The following LAYN variants were observed in gnomAD, a reference collection of about 807,000 sequenced individuals.
The protein encoded by LAYN is layilin.
In LAYN, 38 loss-of-function variants were observed where a neutral mutation model predicts 43.6. The observed-to-expected ratio is 0.87, with a 90% confidence interval of 0.67 to 1.14. The LOEUF (loss-of-function observed/expected upper bound fraction) is 1.14. Ranked by LOEUF, LAYN falls within the 50% of genes most tolerant of loss-of-function variation. The pLI, the probability that LAYN is intolerant of heterozygous loss-of-function variation, is 0.00. For missense variants in LAYN, 479 were observed against 463.8 expected, an observed-to-expected ratio of 1.03 and a Z score of -0.30; for synonymous variants, 168 against 172.9, an observed-to-expected ratio of 0.97 and a Z score of 0.22.
At chr11:111,558,638 A>G (rs372785613) in intron 6 of LAYN, among the ~76,000 whole-genome samples, 67 of 152,168 alleles carry the variant, frequency 4.4e-4, no homozygotes, top group African/African-American at 1.6e-3. Context: ...GTACTTTAAC[A>G]GGATTTGGGA....
Position 111,544,173 on chromosome 11 carries a change from C to T in LAYN, c.336C>T (p.Ala112=), listed in dbSNP as rs1450481137. Residue 112 remains alanine (A), a synonymous_variant, in exon 2 of 7, where the codon GCC becomes GCT. Transcript: ENST00000375614. ...RREEKQSNST[A]CQDLYAWTDG... is the part of the protein sequence containing the mutation. ...AGGAGAAACAAAGCAATAGCACAGC[C>T]TGCCAGGACCTTTATGCTTGGACTG... is the stretch of plus-strand genomic sequence containing the variant. 4 of 1,614,068 alleles carry T rather than the reference C, an allele frequency of 2.5e-6. No individual in the cohort carries two copies. The South Asian group carries it at 4.4e-5, about 18-fold the overall frequency.
In LAYN at chr11:111,549,725, A is replaced by G; in HGVS notation, c.491A>G (p.Asn164Ser). 1.2e-6 allele frequency: 2 copies of G among 1,607,804 alleles called. No homozygotes were observed. Among genetic ancestry groups the G allele is most frequent in the Non-Finnish European group, 1.7e-6 (2 of 1,177,648 alleles). ...GIGGPYMFQW[N>S]DDRCNMKNNF... is the part of the protein sequence containing the mutation. ...GGAGGCCCCTACATGTTCCAGTGGA[A>G]TGATGACCGGTGCAACATGAAGAAC... Residue 164 changes from asparagine (N) to serine (S), a missense_variant, in exon 3 of 7, where the codon AAT (asparagine) becomes AGT (serine). Coordinates refer to ENST00000375614, the MANE Select transcript of LAYN (RefSeq NM_178834.5).
At chr11:111,541,016 A>C in intron 1 of LAYN, 88 bp downstream of exon 1, 2 of 1,272,928 alleles carry the variant, frequency 1.6e-6, no homozygotes, top group Non-Finnish European at 2.2e-6. Context: ...GTCGCCACGT[A>C]TGGGACTAGA....
intron 6 of LAYN, among the ~76,000 whole-genome samples, chr11:111,558,186 G>A (rs1451205472): frequency 6.6e-6 from 1 of 152,158 alleles, no homozygotes; most frequent in Non-Finnish European, 1.5e-5. Flanking sequence ...ATATGGTCAG[G>A]ATCGTGTGCC....
chr11:111,554,181 G>A (rs1867793220), intron 3 of LAYN, among the ~76,000 whole-genome samples: 1 of 152,194 alleles, frequency 6.6e-6, no homozygotes, highest in Admixed American at 6.5e-5. Flanking sequence ...GGCCAGGAGT[G>A]CAGGGGAGAG....
rs1401666640 is a variant in LAYN, at chr11:111,561,607, G to A, written c.*1149G>A. 6.6e-6 allele frequency: 1 copy of A among 152,166 alleles called. No individual in the cohort carries two copies. Among genetic ancestry groups the A allele is most frequent in the African/African-American group, 2.4e-5 (1 of 41,428 alleles). The allele number at this position is 152,166 out of a possible 1,614,324, so 9.4% of individuals were successfully genotyped here. A position where few individuals can be genotyped will look rare whatever the true frequency, so the allele number is the denominator to read the frequency against. On this transcript the variant is annotated 3_prime_UTR_variant, in exon 7 of 7. Transcript: ENST00000375614. Reference sequence around the variant, plus strand: ...AGCATCAATCATATACACATTGGAGGTCTGAAAGCCATTATTTAAATCACC... The same window carrying A: ...AGCATCAATCATATACACATTGGAGATCTGAAAGCCATTATTTAAATCACC...
chr11:111,541,588 A>C (rs1386535809), intron 1 of LAYN: 2 of 1,535,644 alleles, frequency 1.3e-6, no homozygotes, highest in Non-Finnish European at 1.7e-6. Flanking sequence ...CAGAGGAGGT[A>C]AAGTGCTCTG....
In LAYN at chr11:111,553,693, A is replaced by G. The variant is rs528720142; in HGVS notation, c.542-868A>G. ...ACATTGTATAACTGGGTTTTTTTAAATAAATGGATTTACATCACCTATACA... is the reference window on the plus strand; with the variant it reads ...ACATTGTATAACTGGGTTTTTTTAAGTAAATGGATTTACATCACCTATACA... On this transcript the variant is annotated intron_variant, in intron 3 of 6. Coordinates refer to ENST00000375614, the MANE Select transcript of LAYN (RefSeq NM_178834.5). Among the ~76,000 whole-genome samples, 237 of 149,354 alleles carry G rather than the reference A, an allele frequency of 1.6e-3. 2 individuals are homozygous for G. Among genetic ancestry groups the G allele is most frequent in the African/African-American group, 5.6e-3 (227 of 40,458 alleles).
In LAYN at chr11:111,560,432, G is replaced by A. The variant is rs551644620; in HGVS notation, c.1099G>A (p.Val367Met). Residue 367 changes from valine to methionine, a missense_variant, in exon 7 of 7, where the codon GTG (valine) becomes ATG (methionine). Coordinates refer to ENST00000375614, the MANE Select transcript of LAYN (RefSeq NM_178834.5). ...GGGGAGGAGTAAGGAGTCTGGATGG[G>A]TGGAAAATGAAATATATGGTTATTA... ...QMGRSKESGWVENEIYGY is the reference protein window; with the variant it reads ...QMGRSKESGWMENEIYGY 11 of 1,613,670 alleles carry A rather than the reference G, an allele frequency of 6.8e-6. No homozygotes were observed. In the East Asian group the frequency reaches 1.8e-4, roughly 26 times the overall value.
chr11:111,542,769 G>A (rs1174596276), intron 1 of LAYN, among the ~76,000 whole-genome samples: 6 of 152,170 alleles, frequency 3.9e-5, no homozygotes, highest in African/African-American at 1.4e-4. Flanking sequence ...ATTTGAATCC[G>A]GAAACATATG....
chr11:111,543,155 C>T lies in LAYN; in HGVS notation c.86-768C>T, dbSNP rs565369174. ...TGTAATTAGATCTGGGCTCTAACTC[C>T]GGTGATGCTGATGATCACTGTGTGA... On this transcript the variant is annotated intron_variant, in intron 1 of 6. Coordinates refer to ENST00000375614, the MANE Select transcript of LAYN (RefSeq NM_178834.5). Among the ~76,000 whole-genome samples the T allele has an allele frequency of 1.1e-4, 16 of 152,276 alleles. No individual in the cohort carries two copies. The South Asian group carries it at 2.7e-3, about 26-fold the overall frequency.
chr11:111,555,300 A>C lies in LAYN; in HGVS notation c.658+10A>C. ...TTTAAAGAAAGTAGAGGTATCTACA[A>C]AACTCTCCTGGGAAAGATGAATAAT... On this transcript the variant is annotated intron_variant, in intron 5 of 6. Transcript: ENST00000375614. 1 of 1,586,564 alleles carries C rather than the reference A, an allele frequency of 6.3e-7. No individual in the cohort carries two copies. Among genetic ancestry groups the C allele is most frequent in the South Asian group, 1.1e-5 (1 of 90,284 alleles).
chr11:111,551,930 A>G (rs961793358), intron 3 of LAYN, among the ~76,000 whole-genome samples: 1 of 152,176 alleles, frequency 6.6e-6, no homozygotes, highest in African/African-American at 2.4e-5. Flanking sequence ...CTTTGTAAAT[A>G]TGGACAAAAA....
intron 5 of LAYN, among the ~76,000 whole-genome samples, chr11:111,556,320 G>A (rs931480294): frequency 6.6e-6 from 1 of 152,178 alleles, no homozygotes; most frequent in African/African-American, 2.4e-5. Flanking sequence ...CACCAACCAG[G>A]AAGCTCCACA....
chr11:111,546,781 C>T (rs1030712215), intron 2 of LAYN, among the ~76,000 whole-genome samples: 9 of 152,186 alleles, frequency 5.9e-5, no homozygotes, highest in Non-Finnish European at 1.3e-4. Flanking sequence ...GCTTCATGGT[C>T]TCTGGTGCTC....
chr11:111,545,925 T>C (rs1046057443), intron 2 of LAYN, among the ~76,000 whole-genome samples: 4 of 152,222 alleles, frequency 2.6e-5, no homozygotes, highest in Non-Finnish European at 4.4e-5. Context: ...TCCTCAAGTG[T>C]TGGTGCTGTG....
At chr11:111,559,746 A>G (rs529229976) in intron 6 of LAYN, among the ~76,000 whole-genome samples, 1 of 151,932 alleles carries the variant, frequency 6.6e-6, no homozygotes, top group South Asian at 2.1e-4. Context: ...GGCGTGGGCC[A>G]CTGTGCACAG....
At chr11:111,542,079 T>G (rs1867554742) in intron 1 of LAYN, among the ~76,000 whole-genome samples, 2 of 151,984 alleles carry the variant, frequency 1.3e-5, no homozygotes, top group Non-Finnish European at 2.9e-5. Flanking sequence ...AAAGTGGGGG[T>G]TGTCAGGAAA....
At chr11:111,551,228 A>G in intron 3 of LAYN, 1 of 406,936 alleles carries the variant, frequency 2.5e-6, no homozygotes, top group Non-Finnish European at 4.9e-6. Context: ...AAATGCAGCT[A>G]CTATCAAACC....
Sources: gnomAD v4.1 joint callset for allele counts (sites outside exome capture counted in the v4.1 genomes callset) on GRCh38, gnomAD v4.1.1 for gene constraint, MANE v1.5 for transcripts, NCBI Gene and HGNC (gene_info 2026-07-23, HGNC 2026-07-21) for gene names.